The following ZNF415 variants were observed in gnomAD, a reference collection of about 807,000 sequenced individuals.
The protein encoded by ZNF415 is zinc finger protein 415.
In ZNF415, 5 loss-of-function variants were observed where a neutral mutation model predicts 7.3. That is an observed-to-expected ratio of 0.69 (90% CI 0.36 to 1.44). The LOEUF is 1.44. ZNF415 is among the 40% of genes most tolerant of loss of function. The pLI, the probability that ZNF415 is intolerant of heterozygous loss-of-function variation, is 0.04. For missense variants in ZNF415, 628 were observed against 664.8 expected (o/e 0.94, Z 0.61); for synonymous variants, 207 against 226.3 (o/e 0.91, Z 0.77).
At chr19:53,132,516 T>G (rs1476371451) in intron 1 of ZNF415, among the ~76,000 whole-genome samples, 4 of 152,148 alleles carry the variant, frequency 2.6e-5, no homozygotes, top group African/African-American at 4.8e-5. Context: ...GGACTGCGGC[T>G]GCAGCTGCGG....
chr19:53,115,911 T>C, intron 3 of ZNF415: 1 of 910,048 alleles, frequency 1.1e-6, no homozygotes, highest in Non-Finnish European at 1.7e-6. Flanking sequence ...GAAGAGAGGC[T>C]ATCACAGATG....
chr19:53,119,948 G>A (rs112923190), intron 2 of ZNF415, among the ~76,000 whole-genome samples: 21 of 151,596 alleles, frequency 1.4e-4, no homozygotes, highest in African/African-American at 4.6e-4. Flanking sequence ...CTTCACTGCC[G>A]AATTCTATCA....
chr19:53,115,267 G>T, intron 3 of ZNF415: 1 of 169,662 alleles, frequency 5.9e-6, no homozygotes, highest in South Asian at 1.4e-4. Context: ...TCCGGGAGGC[G>T]AAGGTTGCAG....
In ZNF415 at chr19:53,115,660, T is replaced by C. The variant is rs8104108; in HGVS notation, c.136+653A>G. On this transcript the variant is annotated intron_variant, in intron 3 of 3. Coordinates refer to ENST00000243643, the MANE Select transcript of ZNF415 (RefSeq NM_018355.4). ...CCCACTTGCTAAGAGTTTCCAAACA[T>C]AGTGTAATGGTGTGGCTTCCTCTCC... is the stretch of plus-strand genomic sequence containing the variant. 0.012 allele frequency: 17,174 copies of C among 1,406,470 alleles called. 1,505 individuals are homozygous for C. The African/African-American group carries it at 0.2, about 17-fold the overall frequency. 87.1% of individuals were successfully genotyped at this position (1,406,470 alleles called of 1,614,324 possible).
intron 3 of ZNF415, among the ~76,000 whole-genome samples, chr19:53,110,573 A>G (rs1331927704): frequency 6.6e-6 from 1 of 152,206 alleles, no homozygotes; most frequent in African/African-American, 2.4e-5. Flanking sequence ...AAAACCCATC[A>G]TCTGTAAACC....
At position 53,129,921 on chromosome 19, in the gene ZNF415, C is replaced by T. The variant is rs536828180; in HGVS notation, c.-68+2935G>A. 4.3e-3 allele frequency among the ~76,000 whole-genome samples: 650 copies of T among 152,088 alleles called. 7 individuals are homozygous for T. Among genetic ancestry groups the T allele is most frequent in the African/African-American group, 0.015 (626 of 41,502 alleles). On this transcript the variant is annotated intron_variant, in intron 1 of 3. Coordinates refer to ENST00000243643, the MANE Select transcript of ZNF415 (RefSeq NM_018355.4). ...TCTATCAAAAAACACAAAAGTTAGC[C>T]GGGTGTGGTGGCCTGTGCCTGTAAT...
At chr19:53,113,114 A>C (rs547413217) in intron 3 of ZNF415, among the ~76,000 whole-genome samples, 111 of 151,416 alleles carry the variant, frequency 7.3e-4, no homozygotes, top group Middle Eastern at 6.8e-3. Flanking sequence ...CATAAAAAAT[A>C]CAGAATTTAC....
At chr19:53,127,498 T>C (rs1247787533) in intron 1 of ZNF415, among the ~76,000 whole-genome samples, 2 of 152,216 alleles carry the variant, frequency 1.3e-5, no homozygotes, top group Non-Finnish European at 2.9e-5. Flanking sequence ...GAGATGTCTC[T>C]AATGATGCAC....
intron 1 of ZNF415, among the ~76,000 whole-genome samples, chr19:53,131,136 C>T (rs2090024229): frequency 7.9e-6 from 1 of 127,120 alleles, no homozygotes; most frequent in African/African-American, 3.0e-5. Context: ...ATGTGTGGCC[C>T]AAGACAATTC....
chr19:53,121,850 CATACTGAT>C (rs1261523839), intron 2 of ZNF415, among the ~76,000 whole-genome samples: 2 of 152,176 alleles, frequency 1.3e-5, no homozygotes, highest in Non-Finnish European at 2.9e-5. Flanking sequence ...GAGTCAGAGA[CATACTGAT>C]ATACTAGTTT....
intron 2 of ZNF415, among the ~76,000 whole-genome samples, chr19:53,117,261 G>C (rs2087206836): frequency 6.6e-6 from 1 of 152,056 alleles, no homozygotes. Flanking sequence ...GACCAACATG[G>C]AGAAACCCCA....
chr19:53,122,596 A>T (rs2088295088), intron 2 of ZNF415, 66 bp downstream of exon 2: 13 of 1,611,566 alleles, frequency 8.1e-6, no homozygotes, highest in Non-Finnish European at 9.3e-6. Context: ...TTGCAGCTCC[A>T]AGGCATTGTC....
chr19:53,116,216 C>T, intron 3 of ZNF415, 97 bp downstream of exon 3: 1 of 1,406,076 alleles, frequency 7.1e-7, no homozygotes. Flanking sequence ...AGGCCTCAAA[C>T]TCAGTCAGGT....
chr19:53,125,371 G>C (rs2146570798), intron 1 of ZNF415, among the ~76,000 whole-genome samples: 1 of 150,114 alleles, frequency 6.7e-6, no homozygotes, highest in South Asian at 2.1e-4. Context: ...GGATCTTGCT[G>C]TTGGCCAGGC....
chr19:53,131,069 T>G (rs892716472), intron 1 of ZNF415, among the ~76,000 whole-genome samples: 3 of 139,828 alleles, frequency 2.1e-5, no homozygotes, highest in Non-Finnish European at 4.7e-5. Context: ...GCAACTTTTT[T>G]TTTTTTTTTT....
intron 2 of ZNF415, among the ~76,000 whole-genome samples, chr19:53,119,444 CAAAAA>C (rs34688086): frequency 3.3e-3 from 116 of 35,094 alleles, no homozygotes; most frequent in African/African-American, 0.01. Flanking sequence ...GACTCCATCT[CAAAAA>C]AAAAAAAAAA....
At chr19:53,120,816 T>G (rs937269036) in intron 2 of ZNF415, among the ~76,000 whole-genome samples, 1 of 152,060 alleles carries the variant, frequency 6.6e-6, no homozygotes, top group South Asian at 2.1e-4. Context: ...CTGGGCGCGG[T>G]GGCTCATGCC....
intron 3 of ZNF415, among the ~76,000 whole-genome samples, chr19:53,110,845 C>A (rs577033131): frequency 6.6e-6 from 1 of 152,172 alleles, no homozygotes; most frequent in African/African-American, 2.4e-5. Context: ...TATGACTTCA[C>A]ACCTGCACTT....
At chr19:53,131,433 G>C (rs1174567952) in intron 1 of ZNF415, among the ~76,000 whole-genome samples, 2 of 152,104 alleles carry the variant, frequency 1.3e-5, no homozygotes, top group Non-Finnish European at 2.9e-5. Flanking sequence ...CTCATCATCT[G>C]TGCATTTTAA....
Sources: gnomAD v4.1 joint callset for allele counts (sites outside exome capture counted in the v4.1 genomes callset) on GRCh38, gnomAD v4.1.1 for gene constraint, MANE v1.5 for transcripts, NCBI Gene and HGNC (gene_info 2026-07-23, HGNC 2026-07-21) for gene names.